The following SYTL2 variants were observed in gnomAD, a reference collection of about 807,000 sequenced individuals.
The protein encoded by SYTL2 is synaptotagmin-like protein 2.
A neutral mutation model predicts 198.7 loss-of-function variants in SYTL2; 165 were observed. The observed-to-expected ratio is 0.83, with a 90% CI of 0.73 to 0.94. The LOEUF is 0.94. Among genes scored for constraint, SYTL2 ranks in the 40% least tolerant of loss-of-function variants. SYTL2 has a pLI of 0.00. For missense variants in SYTL2, 2,835 were observed against 2,582.8 expected (o/e 1.10, Z -2.12); for synonymous variants, 966 against 917.7 (o/e 1.05, Z -0.95).
intron 15 of SYTL2, among the ~76,000 whole-genome samples, chr11:85,705,412 C>A (rs2084972511): frequency 6.6e-6 from 1 of 152,088 alleles, no homozygotes; most frequent in African/African-American, 2.4e-5. Flanking sequence ...AGAACAAGGT[C>A]TTTTTTAAAA....
Position 85,724,032 on chromosome 11 carries a change from T to C in SYTL2, c.5326A>G (p.Ser1776Gly). 6.9e-7 allele frequency: 1 copy of C among 1,450,956 alleles called. No homozygotes were observed. The highest frequency in any genetic ancestry group is 9.1e-7 in the Non-Finnish European group (1 of 1,102,116). The allele number at this position is 1,450,956 out of a possible 1,614,324, so 89.9% of individuals were successfully genotyped here. A position where few individuals can be genotyped will look rare whatever the true frequency, so the allele number is the denominator to read the frequency against. The change falls in exon 8 of 20, where the codon AGT (serine) becomes GGT (glycine). Residue 1776 changes from serine to glycine, a missense_variant and splice_region_variant. Transcript: ENST00000359152. ...GAGTTAAAAAATTTTAAATGCTCAC[T>C]GGAAGGATTTCTCCAGCTCTCTGCA... ...SNAESWRNPS[S>G]SEEEPSPVLK...
intron 1 of SYTL2, among the ~76,000 whole-genome samples, chr11:85,791,008 AC>A (rs1555261290): frequency 1.3e-4 from 19 of 151,688 alleles, no homozygotes; most frequent in Non-Finnish European, 5.9e-5. Flanking sequence ...TACTAAAAAT[AC>A]AAAAAAAATT....
the SYTL2 span, among the ~76,000 whole-genome samples, chr11:85,839,292 A>G: frequency 6.6e-6 from 1 of 152,200 alleles, no homozygotes; most frequent in Non-Finnish European, 1.5e-5. Context: ...CTTTCTAACT[A>G]TGATGGAACA....
intron 2 of SYTL2, among the ~76,000 whole-genome samples, 196 bp downstream of exon 2, chr11:85,757,429 T>C (rs1011787973): frequency 2.6e-5 from 4 of 152,180 alleles, no homozygotes; most frequent in African/African-American, 7.2e-5. Flanking sequence ...CTATTTCTGG[T>C]AGGAGTCCAG....
Position 85,695,219 on chromosome 11 carries a change from A to T in SYTL2, c.6696T>A (p.Leu2232=), listed in dbSNP as rs141366964. The change falls in exon 20 of 20, where the codon CTT becomes CTA. Residue 2232 remains leucine, a synonymous_variant. Transcript: ENST00000359152. The stretch of plus-strand genomic sequence containing the variant: ...CTCATTTGGAAATCTTGGCAATCAA[A>T]AGCATTCTGAGAGGCAGTGTTGCTT... ...WIEATLPLRM[L]LIAKISK 2.4e-5 allele frequency: 39 copies of T among 1,612,254 alleles called. No homozygotes were observed. In the African/African-American group the frequency reaches 5.1e-4, roughly 21 times the overall value.
rs775680952 is a variant in SYTL2, at chr11:85,724,672, A to G, written c.4686T>C (p.Ser1562=). 3.1e-6 allele frequency: 5 copies of G among 1,613,880 alleles called. No individual in the cohort carries two copies. Among genetic ancestry groups the G allele is most frequent in the Non-Finnish European group, 4.2e-6 (5 of 1,179,938 alleles). Residue 1562 remains serine, a synonymous_variant, in exon 8 of 20, where the codon AGT becomes AGC. Coordinates refer to ENST00000359152, the MANE Select transcript of SYTL2 (RefSeq NM_206927.4). ...EKAEAPLITE[S]AFDAGFEKLL... ...GTTTCTCAAAACCAGCATCAAAAGC[A>G]CTCTCAGTTATTAACGGAGCCTCGG...
At position 85,745,715 on chromosome 11, in the gene SYTL2, T is replaced by C. The variant is rs2091107374; in HGVS notation, c.311A>G (p.Asn104Ser). Reference protein sequence around the residue: ...GAKESWVNNVNKDAFLPPELA... With the variant: ...GAKESWVNNVSKDAFLPPELA... ...CTCTGGAGGAAGGAAAGCATCTTTGTTGACATTATTCACCCAGCTTTCCTT... is the reference window on the plus strand; with the variant it reads ...CTCTGGAGGAAGGAAAGCATCTTTGCTGACATTATTCACCCAGCTTTCCTT... The change falls in exon 4 of 20, where the codon AAC becomes AGC. Residue 104 changes from asparagine to serine, a missense_variant. This residue lies in a region of SYTL2 where 2,645 missense variants were observed against 2,381.7 expected (regional missense o/e 1.11). Coordinates refer to ENST00000359152, the MANE Select transcript of SYTL2 (RefSeq NM_206927.4). The C allele has an allele frequency of 1.2e-6, 2 of 1,613,814 alleles. No homozygotes were observed. The highest frequency in any genetic ancestry group is 1.7e-6 in the Non-Finnish European group (2 of 1,179,722).
the SYTL2 span, among the ~76,000 whole-genome samples, chr11:85,846,406 T>A: frequency 6.6e-6 from 1 of 152,086 alleles, no homozygotes; most frequent in Non-Finnish European, 1.5e-5. Flanking sequence ...TATGAAACCT[T>A]TATTTATTTT....
the SYTL2 span, among the ~76,000 whole-genome samples, chr11:85,818,715 C>T: frequency 1.2e-4 from 17 of 143,564 alleles, no homozygotes; most frequent in East Asian, 2.1e-4. Context: ...TTATTTAAGA[C>T]GGTCTCGCTC....
chr11:85,695,208 T>C lies in SYTL2; in HGVS notation c.6707A>G (p.Lys2236Arg), dbSNP rs747886662. Residue 2236 changes from lysine to arginine, a missense_variant, in exon 20 of 20, where the codon AAG becomes AGG. Physicochemically the swap from Lys to Arg is conservative, Grantham distance 26. Coordinates refer to ENST00000359152, the MANE Select transcript of SYTL2 (RefSeq NM_206927.4). ...TLPLRMLLIA[K>R]ISK ...TGGAATTTGGGCTCATTTGGAAATCTTGGCAATCAAAAGCATTCTGAGAGG... is the reference window on the plus strand; with the variant it reads ...TGGAATTTGGGCTCATTTGGAAATCCTGGCAATCAAAAGCATTCTGAGAGG... The C allele has an allele frequency of 2.6e-5, 42 of 1,611,874 alleles. No homozygotes were observed. In the Admixed American group the frequency reaches 6.2e-4, roughly 24 times the overall value.
rs138488742 is a variant in SYTL2, at chr11:85,787,058, A to G, written c.-390+23896T>C. 1.5e-3 allele frequency among the ~76,000 whole-genome samples: 222 copies of G among 152,300 alleles called. 1 individual carries two copies. The highest frequency in any genetic ancestry group is 5.0e-3 in the African/African-American group (209 of 41,574). ...TTTTGCTCCAATTTTCTCAACTTCA[A>G]AAGGTCAGCAATAGGTGTGCCCACC... On this transcript the variant is annotated intron_variant, in intron 1 of 19. Coordinates refer to ENST00000359152, the MANE Select transcript of SYTL2 (RefSeq NM_206927.4).
chr11:85,732,250 C>T (rs1329862690), intron 7 of SYTL2, among the ~76,000 whole-genome samples: 2 of 152,168 alleles, frequency 1.3e-5, no homozygotes, highest in African/African-American at 4.8e-5. Flanking sequence ...GGGTATATAT[C>T]TAAAGTATTA....
rs111990599 is a variant in SYTL2, at chr11:85,798,501, T to C, written c.-390+12453A>G. On this transcript the variant is annotated intron_variant, in intron 1 of 19. Coordinates refer to ENST00000359152, the MANE Select transcript of SYTL2 (RefSeq NM_206927.4). ...AACAATTGGCTTCACATATGTGGCA[T>C]TTCATGGTGCGTTGAAGGGATCTCC... Among the ~76,000 whole-genome samples, 755 of 152,304 alleles carry C rather than the reference T, an allele frequency of 5.0e-3. 9 individuals are homozygous for C. Among genetic ancestry groups the C allele is most frequent in the African/African-American group, 0.017 (695 of 41,554 alleles).
chr11:85,761,522 T>G (rs1340879097), intron 1 of SYTL2, among the ~76,000 whole-genome samples: 1 of 152,186 alleles, frequency 6.6e-6, no homozygotes, highest in Non-Finnish European at 1.5e-5. Flanking sequence ...GTGAGGACAG[T>G]AAGACTTCTG....
At chr11:85,769,342 A>T (rs2092309093) in intron 1 of SYTL2, among the ~76,000 whole-genome samples, 1 of 152,194 alleles carries the variant, frequency 6.6e-6, no homozygotes, top group African/African-American at 2.4e-5. Flanking sequence ...AAGGAGAGAG[A>T]GGAGATATGA....
At chr11:85,823,434 A>G in the SYTL2 span, among the ~76,000 whole-genome samples, 1 of 152,238 alleles carries the variant, frequency 6.6e-6, no homozygotes, top group Non-Finnish European at 1.5e-5. Context: ...TTCTACATTA[A>G]GATCATTTAC....
intron 1 of SYTL2, among the ~76,000 whole-genome samples, chr11:85,771,390 C>A (rs2092352616): frequency 6.6e-6 from 1 of 152,172 alleles, no homozygotes; most frequent in Non-Finnish European, 1.5e-5. Flanking sequence ...TCATCCCAAC[C>A]AACAGTAATA....
the SYTL2 span, chr11:85,853,220 A>C: frequency 4.7e-6 from 2 of 422,978 alleles, no homozygotes; most frequent in Non-Finnish European, 9.4e-6. Context: ...GGAATAGAAA[A>C]GGGGGAAATG....
At chr11:85,710,654 C>G (rs1274598938) in intron 13 of SYTL2, among the ~76,000 whole-genome samples, 1 of 152,146 alleles carries the variant, frequency 6.6e-6, no homozygotes, top group East Asian at 1.9e-4. Context: ...TTTTAAAATG[C>G]TGCTCAGATG....
Sources: allele counts gnomAD v4.1 joint callset (sites outside exome capture counted in the v4.1 genomes callset), GRCh38; gene constraint gnomAD v4.1.1; regional missense constraint gnomAD v4.1.1; transcripts MANE v1.5; gene names NCBI Gene and HGNC (gene_info 2026-07-23, HGNC 2026-07-21).